TMA16: variants seen among roughly 807,000 people sequenced by gnomAD.
TMA16 encodes translation machinery associated 16 homolog.
TMA16 carries 26 observed loss-of-function variants against 27.1 expected under a neutral mutation model. The ratio of observed to expected loss-of-function variants is 0.96; its 90% CI spans 0.70 to 1.33. The LOEUF (loss-of-function observed/expected upper bound fraction) is 1.33, where lower values mean the gene tolerates loss of function less well. Among genes scored for constraint, TMA16 ranks in the 40% most tolerant of loss-of-function variants. TMA16 has a pLI of 0.00. For missense variants in TMA16, 233 were observed against 241.4 expected (o/e 0.97, Z 0.23); for synonymous variants, 71 against 81.9 (o/e 0.87, Z 0.72).
chr4:163,495,575 C>G (rs1041178467), intron 1 of TMA16, among the ~76,000 whole-genome samples: 3 of 152,064 alleles, frequency 2.0e-5, no homozygotes, highest in Non-Finnish European at 4.4e-5. Flanking sequence ...CTATTTTTTA[C>G]GTAATCGTTG....
chr4:163,505,214 A>G (rs553153369), intron 1 of TMA16, among the ~76,000 whole-genome samples: 1 of 152,256 alleles, frequency 6.6e-6, no homozygotes, highest in East Asian at 1.9e-4. Flanking sequence ...CATGTTTGCT[A>G]GGTACTTTAA....
intron 5 of TMA16, 132 bp downstream of exon 5, chr4:163,515,593 AG>A (rs1427120693): frequency 3.3e-6 from 4 of 1,215,266 alleles, no homozygotes; most frequent in Non-Finnish European, 4.5e-6. Flanking sequence ...TTTCTTTGTG[AG>A]GGTTTAGAAA....
At chr4:163,497,492 C>G (rs1737575181) in intron 1 of TMA16, among the ~76,000 whole-genome samples, 1 of 152,172 alleles carries the variant, frequency 6.6e-6, no homozygotes, top group East Asian at 1.9e-4. Flanking sequence ...AAAAATGAGT[C>G]TTAACTGAGA....
At position 163,506,662 on chromosome 4, in the gene TMA16, C is replaced by T. The variant is rs187357800; in HGVS notation, c.4-371C>T. 1.3e-3 allele frequency among the ~76,000 whole-genome samples: 201 copies of T among 152,284 alleles called. 1 individual carries two copies. In the Middle Eastern group the frequency reaches 0.014, roughly 10 times the overall value. ...TCAAGCCCCTACTAATAATCCAAGT[C>T]CCTTCTGACCCCTTAATTTTCTTAA... On this transcript the variant is annotated intron_variant, in intron 1 of 6. Coordinates refer to ENST00000358572, the MANE Select transcript of TMA16 (RefSeq NM_018352.3).
chr4:163,508,283 C>G (rs1579017201), intron 2 of TMA16, among the ~76,000 whole-genome samples: 1 of 152,164 alleles, frequency 6.6e-6, no homozygotes, highest in Middle Eastern at 3.4e-3. Flanking sequence ...TGTTCCAACC[C>G]CTAGAATTTT....
intron 1 of TMA16, among the ~76,000 whole-genome samples, chr4:163,500,903 A>G (rs1164985423): frequency 6.6e-6 from 1 of 152,250 alleles, no homozygotes; most frequent in Non-Finnish European, 1.5e-5. Context: ...TATGTGTTAG[A>G]AAAGATAGAA....
chr4:163,512,944 GA>G, intron 3 of TMA16, 85 bp downstream of exon 3: 1 of 987,874 alleles, frequency 1.0e-6, no homozygotes, highest in Non-Finnish European at 1.5e-6. Flanking sequence ...CTCTTTTAGT[GA>G]AATACTGTTT....
intron 2 of TMA16, among the ~76,000 whole-genome samples, chr4:163,508,833 T>A (rs1737752625): frequency 6.6e-6 from 1 of 152,196 alleles, no homozygotes; most frequent in Non-Finnish European, 1.5e-5. Context: ...TTCAGCATGT[T>A]GTGTATTGAT....
intron 6 of TMA16, among the ~76,000 whole-genome samples, chr4:163,518,582 C>T (rs1182721345): frequency 6.6e-6 from 1 of 152,036 alleles, no homozygotes; most frequent in East Asian, 1.9e-4. Flanking sequence ...CTTAACTAGA[C>T]CATGTTGAGG....
At chr4:163,502,766 G>A (rs1737665278) in intron 1 of TMA16, among the ~76,000 whole-genome samples, 1 of 152,056 alleles carries the variant, frequency 6.6e-6, no homozygotes, top group Non-Finnish European at 1.5e-5. Flanking sequence ...ATGCACTAGG[G>A]CTCACTGGTG....
At chr4:163,509,855 C>T (rs1268662893) in intron 2 of TMA16, among the ~76,000 whole-genome samples, 3 of 152,156 alleles carry the variant, frequency 2.0e-5, no homozygotes, top group East Asian at 3.9e-4. Flanking sequence ...GCAAATAATT[C>T]TAGATAGCAA....
intron 1 of TMA16, among the ~76,000 whole-genome samples, chr4:163,506,818 A>T (rs1179386749): frequency 6.6e-6 from 1 of 152,062 alleles, no homozygotes; most frequent in Non-Finnish European, 1.5e-5. Context: ...ATTGGAGAGC[A>T]CCTCTGAATA....
At chr4:163,511,952 C>G (rs1737806123) in intron 2 of TMA16, among the ~76,000 whole-genome samples, 1 of 151,600 alleles carries the variant, frequency 6.6e-6, no homozygotes, top group African/African-American at 2.4e-5. Flanking sequence ...ATACTTCCTG[C>G]TTTATACAAA....
chr4:163,498,583 G>A (rs895621603), intron 1 of TMA16, among the ~76,000 whole-genome samples: 1 of 152,036 alleles, frequency 6.6e-6, no homozygotes, highest in African/African-American at 2.4e-5. Flanking sequence ...CACTGTGCCC[G>A]GCTGGTTAAA....
intron 5 of TMA16, chr4:163,515,680 C>CT: frequency 2.1e-6 from 1 of 482,286 alleles, no homozygotes. Flanking sequence ...GACATCATGT[C>CT]TTTTTTACCG....
chr4:163,506,013 G>T (rs1004409518), intron 1 of TMA16, among the ~76,000 whole-genome samples: 2 of 152,108 alleles, frequency 1.3e-5, no homozygotes, highest in African/African-American at 4.8e-5. Context: ...TTTTCTCACA[G>T]AATAAGGATT....
chr4:163,510,933 C>T (rs78262326), intron 2 of TMA16, among the ~76,000 whole-genome samples: 2,543 of 152,268 alleles, frequency 0.017, 66 homozygotes, highest in African/African-American at 0.057. Context: ...CATTCATGTA[C>T]AGGTGTTTGT....
chr4:163,507,240 C>A, intron 2 of TMA16, 95 bp downstream of exon 2: 1 of 1,094,406 alleles, frequency 9.1e-7, no homozygotes, highest in Non-Finnish European at 1.3e-6. Flanking sequence ...TATTGTCTCC[C>A]TTTCATAAAT....
At chr4:163,509,531 C>G (rs28723583) in intron 2 of TMA16, among the ~76,000 whole-genome samples, 196 of 152,318 alleles carry the variant, frequency 1.3e-3, no homozygotes, top group African/African-American at 4.5e-3. Context: ...CACAAGCCTG[C>G]AGCTAAGCTG....
Sources: gnomAD v4.1 joint callset for allele counts (sites outside exome capture counted in the v4.1 genomes callset) on GRCh38, gnomAD v4.1.1 for gene constraint, MANE v1.5 for transcripts, NCBI Gene and HGNC (gene_info 2026-07-23, HGNC 2026-07-21) for gene names.